SERGEF: variants seen among roughly 807,000 people sequenced by gnomAD.
The protein encoded by SERGEF is secretion-regulating guanine nucleotide exchange factor.
Under a neutral mutation model 50.0 loss-of-function variants are expected in SERGEF, and 51 were observed. The observed-to-expected ratio is 1.02, with a 90% CI of 0.81 to 1.29. The LOEUF is 1.29. Among genes scored for constraint, SERGEF ranks in the 50% most tolerant of loss-of-function variants. SERGEF has a pLI of 0.00. For missense variants in SERGEF, 521 were observed against 557.0 expected, an observed-to-expected ratio of 0.94 and a Z score of 0.65; for synonymous variants, 205 against 212.4, an observed-to-expected ratio of 0.97 and a Z score of 0.30.
chr11:17,811,874 G>C (rs949587875), intron 10 of SERGEF, among the ~76,000 whole-genome samples: 1 of 152,222 alleles, frequency 6.6e-6, no homozygotes, highest in Non-Finnish European at 1.5e-5. Context: ...ACAGATGTAC[G>C]TGCCACCAGC....
intron 8 of SERGEF, among the ~76,000 whole-genome samples, chr11:17,975,638 T>C (rs1853355816): frequency 6.6e-6 from 1 of 152,004 alleles, no homozygotes; most frequent in Non-Finnish European, 1.5e-5. Flanking sequence ...CAGCGATGAG[T>C]AGAAAGCAAG....
chr11:17,923,807 C>A (rs1852202671), intron 9 of SERGEF, among the ~76,000 whole-genome samples: 1 of 152,218 alleles, frequency 6.6e-6, no homozygotes, highest in Non-Finnish European at 1.5e-5. Context: ...GCACCCTGGA[C>A]ACCCTCATCA....
chr11:17,877,016 G>A (rs117150966), intron 10 of SERGEF, among the ~76,000 whole-genome samples: 6,459 of 152,228 alleles, frequency 0.042, 190 homozygotes, highest in South Asian at 0.064. Context: ...ATCATGTTTG[G>A]GCCTGCAAAG....
intron 9 of SERGEF, among the ~76,000 whole-genome samples, chr11:17,898,572 G>T (rs529011659): frequency 3.3e-5 from 5 of 152,120 alleles, no homozygotes; most frequent in Non-Finnish European, 5.9e-5. Flanking sequence ...CTTGTCCACT[G>T]AATATCTAAT....
At chr11:17,944,876 A>T (rs1852628013) in intron 9 of SERGEF, among the ~76,000 whole-genome samples, 2 of 152,386 alleles carry the variant, frequency 1.3e-5, no homozygotes, top group South Asian at 4.1e-4. Flanking sequence ...CAGAATTAAA[A>T]GATCAAATAG....
chr11:18,010,438 G>A (rs1394400342), intron 1 of SERGEF: 1 of 159,126 alleles, frequency 6.3e-6, no homozygotes, highest in Non-Finnish European at 1.4e-5. Flanking sequence ...AAGGCTCAGA[G>A]AGGTTAAGTA....
chr11:17,955,309 C>A (rs954435078), intron 9 of SERGEF, among the ~76,000 whole-genome samples: 1 of 152,090 alleles, frequency 6.6e-6, no homozygotes, highest in African/African-American at 2.4e-5. Context: ...ACTTACATAC[C>A]TGGAAGTTCT....
At chr11:17,887,318 C>T (rs1851448334) in intron 9 of SERGEF, among the ~76,000 whole-genome samples, 1 of 152,164 alleles carries the variant, frequency 6.6e-6, no homozygotes, top group African/African-American at 2.4e-5. Flanking sequence ...TATCTCTGGT[C>T]CTTGCCAACT....
At chr11:17,934,189 G>A (rs1852406499) in intron 9 of SERGEF, among the ~76,000 whole-genome samples, 1 of 152,026 alleles carries the variant, frequency 6.6e-6, no homozygotes, top group South Asian at 2.1e-4. Context: ...AGTCAAATGG[G>A]TCTAGGGACA....
intron 10 of SERGEF, among the ~76,000 whole-genome samples, chr11:17,868,356 A>G (rs939567237): frequency 6.6e-6 from 1 of 152,214 alleles, no homozygotes; most frequent in African/African-American, 2.4e-5. Flanking sequence ...CTCTTTGTTA[A>G]AACACAACAA....
intron 9 of SERGEF, among the ~76,000 whole-genome samples, chr11:17,937,261 G>A (rs902899409): frequency 6.6e-6 from 1 of 152,190 alleles, no homozygotes; most frequent in Non-Finnish European, 1.5e-5. Context: ...GCCGGGCATG[G>A]TGGCTCACGC....
intron 9 of SERGEF, among the ~76,000 whole-genome samples, chr11:17,955,222 A>G (rs1188515204): frequency 2.6e-5 from 4 of 152,228 alleles, no homozygotes; most frequent in African/African-American, 9.6e-5. Flanking sequence ...TTCAGAATTG[A>G]CCATTCCATC....
At chr11:17,837,997 C>G (rs1313737847) in intron 10 of SERGEF, among the ~76,000 whole-genome samples, 1 of 152,136 alleles carries the variant, frequency 6.6e-6, no homozygotes, top group Non-Finnish European at 1.5e-5. Flanking sequence ...ATTACCCAGT[C>G]TTAGGTATTC....
intron 2 of SERGEF, 33 bp downstream of exon 2, chr11:18,007,908 A>C (rs1266739980): frequency 1.3e-6 from 2 of 1,588,990 alleles, no homozygotes; most frequent in Non-Finnish European, 1.7e-6. Context: ...TAAATAAGAA[A>C]ATGAGTGACT....
At chr11:17,830,685 A>AGAGAGAGAGAGAGAGAGAGAGAGC (rs540825238) in intron 10 of SERGEF, among the ~76,000 whole-genome samples, 15 of 119,008 alleles carry the variant, frequency 1.3e-4, no homozygotes, top group East Asian at 6.9e-4. Context: ...AGAGAGAGAG[A>AGAGAGAGAGAGAGAGAGAGAGAGC]GAGCACATGT....
chr11:17,983,473 T>C (rs1853531624), intron 8 of SERGEF, among the ~76,000 whole-genome samples: 1 of 152,218 alleles, frequency 6.6e-6, no homozygotes, highest in Non-Finnish European at 1.5e-5. Context: ...AATGTGTCTT[T>C]AAAAGACATA....
chr11:17,853,180 G>T (rs1392739273), intron 10 of SERGEF, among the ~76,000 whole-genome samples: 1 of 151,928 alleles, frequency 6.6e-6, no homozygotes, highest in East Asian at 2.0e-4. Flanking sequence ...TCATATGGTG[G>T]TTGTGATGAC....
intron 9 of SERGEF, among the ~76,000 whole-genome samples, chr11:17,922,114 G>T (rs1432278127): frequency 6.6e-6 from 1 of 152,174 alleles, no homozygotes; most frequent in Non-Finnish European, 1.5e-5. Context: ...GGCAACGTCT[G>T]AACATGCTGA....
intron 5 of SERGEF, among the ~76,000 whole-genome samples, chr11:17,998,111 A>C (rs1853875249): frequency 6.6e-6 from 1 of 152,100 alleles, no homozygotes; most frequent in African/African-American, 2.4e-5. Context: ...AACTAATTAC[A>C]ATATGTAGAC....
Sources: gnomAD v4.1 joint callset for allele counts (sites outside exome capture counted in the v4.1 genomes callset) on GRCh38, gnomAD v4.1.1 for gene constraint, MANE v1.5 for transcripts, NCBI Gene and HGNC (gene_info 2026-07-23, HGNC 2026-07-21) for gene names.